The following PDZRN4 variants were observed in gnomAD, a reference collection of about 807,000 sequenced individuals.
PDZRN4 encodes the protein PDZ domain containing ring finger 4, also known as PDZ domain-containing RING finger protein 4.
In PDZRN4, 70 loss-of-function variants were observed where a neutral mutation model predicts 99.0. The ratio of observed to expected loss-of-function variants is 0.71; its 90% CI spans 0.58 to 0.86. The LOEUF is 0.86. PDZRN4 is among the 40% of genes least tolerant of loss of function. The pLI is 0.00. For synonymous variants in PDZRN4, 551 were observed against 501.6 expected, an observed-to-expected ratio of 1.10 and a Z score of -1.32; for missense variants, 1,474 against 1,331.2, an observed-to-expected ratio of 1.11 and a Z score of -1.67.
intron 3 of PDZRN4, among the ~76,000 whole-genome samples, chr12:41,316,690 G>A (rs10748294): frequency 0.83 from 126,699 of 151,852 alleles, 53,951 homozygotes; most frequent in Non-Finnish European, 0.92. Context: ...CTAGCTTGTT[G>A]GTACTTTAAG....
At chr12:41,396,994 G>A (rs1952250399) in intron 3 of PDZRN4, among the ~76,000 whole-genome samples, 2 of 117,456 alleles carry the variant, frequency 1.7e-5, no homozygotes, top group South Asian at 5.8e-4. Flanking sequence ...AATCATTTTA[G>A]TGTAATGTAA....
chr12:41,343,556 A>T (rs1003416391), intron 3 of PDZRN4, among the ~76,000 whole-genome samples: 3 of 151,918 alleles, frequency 2.0e-5, no homozygotes, highest in Non-Finnish European at 4.4e-5. Context: ...AAGAGAATAA[A>T]GCAGTGTTTA....
chr12:41,259,766 A>G (rs1348923851), intron 3 of PDZRN4, among the ~76,000 whole-genome samples: 1 of 152,156 alleles, frequency 6.6e-6, no homozygotes, highest in East Asian at 1.9e-4. Flanking sequence ...TTTAGTCTAG[A>G]GGGCTACTTT....
chr12:41,379,523 C>A (rs77225691), intron 3 of PDZRN4, among the ~76,000 whole-genome samples: 1,810 of 151,682 alleles, frequency 0.012, 40 homozygotes, highest in African/African-American at 0.041. Flanking sequence ...TCTTTTAGAA[C>A]ATTTTTGCTG....
At chr12:41,363,542 CAGATGCATCTGTTCA>C (rs765768809) in intron 3 of PDZRN4, among the ~76,000 whole-genome samples, 10 of 152,060 alleles carry the variant, frequency 6.6e-5, no homozygotes, top group South Asian at 2.1e-4. Context: ...GCATCTGTTC[CAGATGCATCTGTTCA>C]GGATGCATTT....
intron 5 of PDZRN4, among the ~76,000 whole-genome samples, chr12:41,549,817 G>A (rs566309643): frequency 2.0e-5 from 3 of 152,128 alleles, no homozygotes; most frequent in Non-Finnish European, 4.4e-5. Context: ...TTTGTTAGGG[G>A]ACAAGCAAAA....
chr12:41,211,472 T>C (rs185721644), intron 3 of PDZRN4, among the ~76,000 whole-genome samples: 101 of 152,126 alleles, frequency 6.6e-4, no homozygotes, highest in African/African-American at 2.4e-3. Context: ...TCTGTTTTTT[T>C]TTCTAGTAAT....
At chr12:41,480,775 C>A (rs1430494822) in intron 3 of PDZRN4, among the ~76,000 whole-genome samples, 5 of 152,016 alleles carry the variant, frequency 3.3e-5, no homozygotes, top group African/African-American at 1.2e-4. Flanking sequence ...TAGAAAGAGA[C>A]ATTCTATTCA....
At chr12:41,436,393 A>G (rs1292033572) in intron 3 of PDZRN4, among the ~76,000 whole-genome samples, 1 of 152,186 alleles carries the variant, frequency 6.6e-6, no homozygotes, top group Non-Finnish European at 1.5e-5. Context: ...CATTAGAATC[A>G]TTTCCTGTTA....
intron 3 of PDZRN4, among the ~76,000 whole-genome samples, chr12:41,319,390 C>T (rs1393593270): frequency 2.6e-5 from 4 of 152,122 alleles, no homozygotes; most frequent in South Asian, 2.1e-4. Context: ...CTCACTCTGT[C>T]GTGAGCTAGG....
At chr12:41,413,422 T>C (rs1952415193) in intron 3 of PDZRN4, among the ~76,000 whole-genome samples, 1 of 152,046 alleles carries the variant, frequency 6.6e-6, no homozygotes, top group Non-Finnish European at 1.5e-5. Flanking sequence ...GAGATATAGC[T>C]AGATAAAAGG....
chr12:41,263,820 A>C (rs7971349), intron 3 of PDZRN4, among the ~76,000 whole-genome samples: 25,508 of 152,178 alleles, frequency 0.17, 2,572 homozygotes, highest in Non-Finnish European at 0.22. Flanking sequence ...CTATACAATA[A>C]AATATTTATC....
At chr12:41,351,265 A>G (rs747992361) in intron 3 of PDZRN4, among the ~76,000 whole-genome samples, 1 of 152,104 alleles carries the variant, frequency 6.6e-6, no homozygotes, top group Non-Finnish European at 1.5e-5. Flanking sequence ...AAGCAAAGCA[A>G]AACCAAGGAG....
chr12:41,245,517 A>G (rs1951128177), intron 3 of PDZRN4, among the ~76,000 whole-genome samples: 1 of 152,188 alleles, frequency 6.6e-6, no homozygotes, highest in African/African-American at 2.4e-5. Flanking sequence ...TGAAATATAT[A>G]TGGATAATGT....
chr12:41,189,113 G>A lies in PDZRN4; in HGVS notation c.648+10G>A, dbSNP rs1243667949. ...TGGCGGCCACCGCAGGGTAAGCAAA[G>A]GGGGGTGGGCACCGCGGGCATGGTC... On this transcript the variant is annotated intron_variant, in intron 1 of 9. Transcript: ENST00000402685. 1 of 1,575,140 alleles carries A rather than the reference G, an allele frequency of 6.3e-7. No individual in the cohort carries two copies. Among genetic ancestry groups the A allele is most frequent in the Admixed American group, 1.8e-5 (1 of 56,914 alleles).
intron 3 of PDZRN4, among the ~76,000 whole-genome samples, chr12:41,455,636 A>G (rs1187112217): frequency 2.0e-5 from 3 of 152,176 alleles, no homozygotes. Flanking sequence ...CGATCTTAGG[A>G]TTCTGTACCA....
At chr12:41,552,161 A>C (rs1939067974) in intron 5 of PDZRN4, among the ~76,000 whole-genome samples, 1 of 152,162 alleles carries the variant, frequency 6.6e-6, no homozygotes, top group Non-Finnish European at 1.5e-5. Context: ...GCTTATTATC[A>C]TATTGTGTAG....
chr12:41,541,528 A>G (rs1938855483), intron 5 of PDZRN4, among the ~76,000 whole-genome samples: 1 of 147,806 alleles, frequency 6.8e-6, no homozygotes, highest in South Asian at 2.1e-4. Flanking sequence ...ATTTCAGCTC[A>G]CTGCAAGTTC....
chr12:41,504,620 A>G (rs1367739392), intron 3 of PDZRN4, among the ~76,000 whole-genome samples: 1 of 152,134 alleles, frequency 6.6e-6, no homozygotes, highest in Non-Finnish European at 1.5e-5. Context: ...ACATGTCCTC[A>G]GGGGAGACAG....
Sources: gnomAD v4.1 joint callset for allele counts (sites outside exome capture counted in the v4.1 genomes callset) on GRCh38, gnomAD v4.1.1 for gene constraint, MANE v1.5 for transcripts, NCBI Gene and HGNC (gene_info 2026-07-23, HGNC 2026-07-21) for gene names.